The following ARHGAP32 variants were observed in gnomAD, a reference collection of about 807,000 sequenced individuals.
The protein encoded by ARHGAP32 is rho GTPase-activating protein 32.
ARHGAP32 carries 51 observed loss-of-function variants against 186.5 expected under a neutral mutation model. The ratio of observed to expected loss-of-function variants is 0.27; its 90% CI spans 0.22 to 0.35. The LOEUF (loss-of-function observed/expected upper bound fraction) is 0.35, where lower values mean the gene tolerates loss of function less well. Ranked by LOEUF, ARHGAP32 falls within the 10% of genes least tolerant of loss-of-function variation. The pLI is 1.00. For synonymous variants in ARHGAP32, 950 were observed against 964.3 expected, an observed-to-expected ratio of 0.99 and a Z score of 0.27; for missense variants, 2,186 against 2,623.5, an observed-to-expected ratio of 0.83 and a Z score of 3.64.
At chr11:129,122,500 A>C (rs1942556411) in intron 5 of ARHGAP32, among the ~76,000 whole-genome samples, 1 of 152,142 alleles carries the variant, frequency 6.6e-6, no homozygotes, top group Admixed American at 6.6e-5. Flanking sequence ...GAAATTTATC[A>C]TGTTAACTGC....
intron 2 of ARHGAP32, among the ~76,000 whole-genome samples, chr11:129,130,506 A>T (rs942725621): frequency 8.5e-5 from 13 of 152,136 alleles, no homozygotes; most frequent in African/African-American, 2.9e-4. Context: ...ATATAAAGAA[A>T]TCCTTGTAAC....
chr11:129,101,134 A>G (rs922336731), intron 5 of ARHGAP32, among the ~76,000 whole-genome samples: 7 of 152,200 alleles, frequency 4.6e-5, no homozygotes, highest in African/African-American at 1.7e-4. Flanking sequence ...TCCAGAAATG[A>G]AGCCAATCAG....
chr11:128,982,474 C>CGT (rs60379183), intron 15 of ARHGAP32, among the ~76,000 whole-genome samples: 35,879 of 147,188 alleles, frequency 0.24, 4,295 homozygotes, highest in Admixed American at 0.34. Flanking sequence ...AGGTAAGTGC[C>CGT]GTGTGTGTGT....
chr11:129,015,269 G>A (rs1591533620), intron 11 of ARHGAP32, among the ~76,000 whole-genome samples: 1 of 152,134 alleles, frequency 6.6e-6, no homozygotes, highest in Non-Finnish European at 1.5e-5. Context: ...TGGAAAACAC[G>A]ACCAGAAGAC....
intron 1 of ARHGAP32, among the ~76,000 whole-genome samples, chr11:129,185,434 A>G (rs938952800): frequency 7.2e-5 from 11 of 152,144 alleles, no homozygotes; most frequent in Non-Finnish European, 1.0e-4. Flanking sequence ...GGGGAACATC[A>G]CACACCAGGG....
intron 2 of ARHGAP32, among the ~76,000 whole-genome samples, chr11:129,148,327 C>T (rs1943215292): frequency 6.6e-6 from 1 of 152,228 alleles, no homozygotes; most frequent in African/African-American, 2.4e-5. Context: ...TCTGAACACA[C>T]AACCCCACTG....
At chr11:129,141,400 C>T (rs1243609113) in intron 2 of ARHGAP32, among the ~76,000 whole-genome samples, 4 of 151,912 alleles carry the variant, frequency 2.6e-5, no homozygotes, top group Admixed American at 1.3e-4. Context: ...CATGTTCTCA[C>T]TTATAGGTGG....
At chr11:128,996,990 G>A (rs1331015738) in intron 12 of ARHGAP32, among the ~76,000 whole-genome samples, 1 of 152,074 alleles carries the variant, frequency 6.6e-6, no homozygotes, top group African/African-American at 2.4e-5. Flanking sequence ...TGTTGTGTAG[G>A]CTGATCTCGA....
chr11:129,230,160 T>C (rs1377949970), intron 1 of ARHGAP32, among the ~76,000 whole-genome samples: 2 of 152,122 alleles, frequency 1.3e-5, no homozygotes, highest in Non-Finnish European at 2.9e-5. Context: ...TATATGCTAC[T>C]GAAGAATTGG....
chr11:129,213,456 G>GT (rs780039905), intron 1 of ARHGAP32, among the ~76,000 whole-genome samples: 7 of 152,170 alleles, frequency 4.6e-5, no homozygotes, highest in Non-Finnish European at 1.0e-4. Context: ...CAGCAGGTGC[G>GT]TAACAGTAAT....
At chr11:129,016,196 T>C (rs544079476) in intron 11 of ARHGAP32, among the ~76,000 whole-genome samples, 1 of 152,336 alleles carries the variant, frequency 6.6e-6, no homozygotes, top group Admixed American at 6.5e-5. Flanking sequence ...TAACTGATCA[T>C]ATCCTTGCCC....
intron 6 of ARHGAP32, among the ~76,000 whole-genome samples, chr11:129,073,355 T>G (rs149870718): frequency 6.6e-6 from 1 of 152,066 alleles, no homozygotes; most frequent in Non-Finnish European, 1.5e-5. Flanking sequence ...AAGGAAAAAG[T>G]AGACAATATG....
chr11:129,260,413 T>C (rs1043136227), intron 1 of ARHGAP32, among the ~76,000 whole-genome samples: 2 of 152,126 alleles, frequency 1.3e-5, no homozygotes, highest in Admixed American at 6.5e-5. Context: ...AGATAAAAAG[T>C]GAATAAATTT....
At chr11:129,125,790 T>G (rs1230421009) in intron 2 of ARHGAP32, 1 of 362,524 alleles carries the variant, frequency 2.8e-6, no homozygotes, top group Non-Finnish European at 5.4e-6. Context: ...AATTTTCCTT[T>G]TTGAGGGTTT....
At chr11:129,092,781 A>G (rs192164375) in intron 6 of ARHGAP32, among the ~76,000 whole-genome samples, 92 of 152,112 alleles carry the variant, frequency 6.0e-4, no homozygotes, top group Admixed American at 2.0e-3. Context: ...TACATGATTA[A>G]TACTTTTTGA....
intron 1 of ARHGAP32, among the ~76,000 whole-genome samples, chr11:129,236,396 A>G (rs895240770): frequency 2.0e-5 from 3 of 152,100 alleles, no homozygotes; most frequent in Non-Finnish European, 4.4e-5. Context: ...CCATGTCCTT[A>G]GCCCACTTTT....
chr11:128,992,553 G>C (rs7122371), intron 12 of ARHGAP32, among the ~76,000 whole-genome samples: 28,715 of 151,886 alleles, frequency 0.19, 2,883 homozygotes, highest in Non-Finnish European at 0.22. Flanking sequence ...GAGACAGGTA[G>C]ATCACCTGAG....
intron 2 of ARHGAP32, 51 bp downstream of exon 2, chr11:129,164,268 C>A (rs1943588949): frequency 3.6e-6 from 4 of 1,119,998 alleles, no homozygotes; most frequent in Non-Finnish European, 5.1e-6. Flanking sequence ...TATATAAGTG[C>A]TATATATACA....
chr11:129,235,401 A>T (rs1028512909), intron 1 of ARHGAP32, among the ~76,000 whole-genome samples: 1 of 152,210 alleles, frequency 6.6e-6, no homozygotes, highest in Non-Finnish European at 1.5e-5. Flanking sequence ...ACCCTTAGGT[A>T]CTATATGTAT....
Sources: gnomAD v4.1 joint callset for allele counts (sites outside exome capture counted in the v4.1 genomes callset) on GRCh38, gnomAD v4.1.1 for gene constraint, MANE v1.5 for transcripts, NCBI Gene and HGNC (gene_info 2026-07-23, HGNC 2026-07-21) for gene names.